The following GNS variants were observed in gnomAD, a reference collection of about 807,000 sequenced individuals.
GNS encodes N-acetylglucosamine-6-sulfatase.
In GNS, 40 loss-of-function variants were observed where a neutral mutation model predicts 69.7. That is an observed-to-expected ratio of 0.57 (90% CI 0.45 to 0.75). The LOEUF (loss-of-function observed/expected upper bound fraction) is 0.75, where lower values mean the gene tolerates loss of function less well. Ranked by LOEUF, GNS falls within the 30% of genes least tolerant of loss-of-function variation. The pLI is 0.00. For missense variants in GNS, 565 were observed against 685.5 expected (o/e 0.82, Z 1.96); for synonymous variants, 243 against 251.6 (o/e 0.97, Z 0.32).
At chr12:64,731,978 C>T (rs985962485) in intron 9 of GNS, among the ~76,000 whole-genome samples, 4 of 151,870 alleles carry the variant, frequency 2.6e-5, no homozygotes, top group Non-Finnish European at 5.9e-5. Flanking sequence ...AAAGCTTTGA[C>T]AAGACCAAAA....
At chr12:64,720,216 A>G in intron 12 of GNS, 34 bp from the exon 13 acceptor site, 1 of 1,414,096 alleles carries the variant, frequency 7.1e-7, no homozygotes, top group Non-Finnish European at 1.0e-6. Flanking sequence ...GAAAGAAAAG[A>G]GCAAAGGTTA....
chr12:64,727,984 C>T (rs998134430), intron 10 of GNS, among the ~76,000 whole-genome samples: 12 of 152,112 alleles, frequency 7.9e-5, no homozygotes, highest in Non-Finnish European at 1.3e-4. Context: ...AGTGCAATGG[C>T]GCAATTTCGG....
At chr12:64,727,983 G>C (rs1869261542) in intron 10 of GNS, among the ~76,000 whole-genome samples, 1 of 152,164 alleles carries the variant, frequency 6.6e-6, no homozygotes, top group Non-Finnish European at 1.5e-5. Flanking sequence ...GAGTGCAATG[G>C]CGCAATTTCG....
chr12:64,752,365 T>C (rs1042532326), intron 2 of GNS, among the ~76,000 whole-genome samples: 1 of 152,236 alleles, frequency 6.6e-6, no homozygotes, highest in East Asian at 1.9e-4. Context: ...TTGTCAGTTT[T>C]GGCTATTAGG....
chr12:64,745,916 C>CA, intron 3 of GNS, 192 bp from the exon 4 acceptor site: 1 of 595,312 alleles, frequency 1.7e-6, no homozygotes, highest in East Asian at 2.8e-5. Context: ...TGGCAAACTA[C>CA]AGCCAGTGAG....
At chr12:64,722,755 G>A (rs1869072699) in intron 11 of GNS, 2 of 463,792 alleles carry the variant, frequency 4.3e-6, no homozygotes, top group Admixed American at 3.5e-5. Flanking sequence ...AAGAGGAATT[G>A]ATAAGAACAC....
At chr12:64,731,119 C>T (rs556736968) in intron 9 of GNS, among the ~76,000 whole-genome samples, 10 of 152,190 alleles carry the variant, frequency 6.6e-5, no homozygotes, top group Non-Finnish European at 1.0e-4. Flanking sequence ...TTTTGTCACC[C>T]GAGCTGGAGT....
At chr12:64,733,826 T>C (rs1232874699) in intron 9 of GNS, among the ~76,000 whole-genome samples, 1 of 152,242 alleles carries the variant, frequency 6.6e-6, no homozygotes, top group Non-Finnish European at 1.5e-5. Flanking sequence ...TTTTCCTTTT[T>C]AGAATTCCTT....
Position 64,721,588 on chromosome 12 carries a change from C to G in GNS, c.1419+7G>C. 7.4e-7 allele frequency: 1 copy of G among 1,348,718 alleles called. No homozygotes were observed. Among genetic ancestry groups the G allele is most frequent in the Non-Finnish European group, 1.1e-6 (1 of 937,572 alleles). 83.5% of individuals were successfully genotyped at this position (1,348,718 alleles called of 1,614,324 possible). A position where few individuals can be genotyped will look rare whatever the true frequency, so the allele number is the denominator to read the frequency against. On this transcript the variant is annotated splice_region_variant and intron_variant, in intron 12 of 13. Coordinates refer to ENST00000258145, the MANE Select transcript of GNS (RefSeq NM_002076.4). ...GCGGGGGAAGTGCAGGCAGAAGTCCCTCTTACCTCCTGGTCATCAAACTCG... is the reference window on the plus strand; with the variant it reads ...GCGGGGGAAGTGCAGGCAGAAGTCCGTCTTACCTCCTGGTCATCAAACTCG...
chr12:64,758,747 C>T (rs1321194083), intron 1 of GNS, among the ~76,000 whole-genome samples: 1 of 152,098 alleles, frequency 6.6e-6, no homozygotes, highest in African/African-American at 2.4e-5. Flanking sequence ...GAAAAACAAT[C>T]AGGCCTTGAG....
intron 1 of GNS, among the ~76,000 whole-genome samples, chr12:64,755,495 T>A (rs1251293061): frequency 6.6e-6 from 1 of 150,484 alleles, no homozygotes; most frequent in African/African-American, 2.4e-5. Context: ...GGGGAATCTC[T>A]TGAACTCAGG....
At chr12:64,718,065 G>A (rs1868920960) in intron 13 of GNS, among the ~76,000 whole-genome samples, 1 of 152,170 alleles carries the variant, frequency 6.6e-6, no homozygotes, top group African/African-American at 2.4e-5. Flanking sequence ...CCAGGTAAAC[G>A]AATGTGTGAG....
chr12:64,738,953 G>T (rs1259944099), intron 8 of GNS, among the ~76,000 whole-genome samples: 7 of 152,094 alleles, frequency 4.6e-5, no homozygotes, highest in Admixed American at 4.6e-4. Flanking sequence ...TTTAACAACA[G>T]AAGGTCCAAG....
At chr12:64,756,712 T>C (rs995261781) in intron 1 of GNS, 5 of 1,469,022 alleles carry the variant, frequency 3.4e-6, no homozygotes, top group Admixed American at 3.9e-5. Flanking sequence ...GTCCTAGCTC[T>C]TCCCCTTGGA....
At chr12:64,745,609 T>A (rs1592505258) in intron 4 of GNS, 50 bp downstream of exon 4, 1 of 972,456 alleles carries the variant, frequency 1.0e-6, no homozygotes, top group Admixed American at 1.7e-5. Flanking sequence ...AAACATATTC[T>A]GCATCTGTAG....
At chr12:64,717,638 C>A (rs1335333758) in intron 13 of GNS, among the ~76,000 whole-genome samples, 4 of 150,768 alleles carry the variant, frequency 2.7e-5, no homozygotes, top group Non-Finnish European at 5.9e-5. Flanking sequence ...GCTGGGATTA[C>A]AAATGTGAGC....
intron 8 of GNS, among the ~76,000 whole-genome samples, chr12:64,738,936 AT>A (rs1477362136): frequency 6.6e-6 from 1 of 152,104 alleles, no homozygotes; most frequent in Non-Finnish European, 1.5e-5. Context: ...AGAAGAAAAC[AT>A]TTGCTTTTAA....
chr12:64,741,123 C>T (rs548458822), intron 6 of GNS, among the ~76,000 whole-genome samples: 1 of 17,282 alleles, frequency 5.8e-5, no homozygotes, highest in Non-Finnish European at 8.8e-5. Flanking sequence ...AGGAGAATGG[C>T]GTGAACCCGG....
rs1852299573 is a variant in GNS at position 64,729,002 on chromosome 12, T to A, written c.1154A>T (p.Asp385Val). The A allele has an allele frequency of 6.2e-7, 1 of 1,604,480 alleles. No homozygotes were observed. The highest frequency in any genetic ancestry group is 8.5e-7 in the Non-Finnish European group (1 of 1,171,368). ...GPTILDIAGY[D>V]LNKTQMDGMS... ...CCCATCCATCTGTGTCTTATTTAGG[T>A]CGTAGCCAGCAATGTCCAAAATAGT... The change falls in exon 10 of 14, where the codon GAC becomes GTC. Residue 385 changes from aspartate (D) to valine (V), a missense_variant. Transcript: ENST00000258145.
Sources: allele counts gnomAD v4.1 joint callset (sites outside exome capture counted in the v4.1 genomes callset), GRCh38; gene constraint gnomAD v4.1.1; transcripts MANE v1.5; gene names NCBI Gene and HGNC (gene_info 2026-07-23, HGNC 2026-07-21).